The following SYCP2 variants were observed in gnomAD, a reference collection of about 807,000 sequenced individuals.
SYCP2 encodes the protein synaptonemal complex lateral element protein.
In SYCP2, 55 loss-of-function variants were observed where a neutral mutation model predicts 211.3. The observed-to-expected ratio is 0.26, with a 90% CI of 0.21 to 0.33. SYCP2 has a LOEUF of 0.33. Ranked by LOEUF, SYCP2 falls within the 10% of genes least tolerant of loss-of-function variation. The pLI is 1.00. For missense variants in SYCP2, 1,731 were observed against 1,752.0 expected, an observed-to-expected ratio of 0.99 and a Z score of 0.21; for synonymous variants, 570 against 555.2, an observed-to-expected ratio of 1.03 and a Z score of -0.37.
intron 12 of SYCP2, 54 bp from the exon 13 acceptor site, chr20:59,912,472 TTGTCC>T (rs2060350043): frequency 1.5e-6 from 1 of 651,984 alleles, no homozygotes; most frequent in Non-Finnish European, 2.5e-6. Flanking sequence ...CAGCATAATC[TTGTCC>T]AGTAATAGAA....
intron 2 of SYCP2, among the ~76,000 whole-genome samples, chr20:59,926,856 G>A (rs997797637): frequency 1.3e-5 from 2 of 152,144 alleles, no homozygotes; most frequent in African/African-American, 2.4e-5. Flanking sequence ...TGCCATTACA[G>A]GGTGACATAA....
intron 12 of SYCP2, among the ~76,000 whole-genome samples, 154 bp downstream of exon 12, chr20:59,913,821 A>C (rs1408252435): frequency 1.3e-5 from 2 of 152,098 alleles, no homozygotes; most frequent in Non-Finnish European, 2.9e-5. Flanking sequence ...TGCTAAAATC[A>C]TGTTATTGTT....
intron 1 of SYCP2, among the ~76,000 whole-genome samples, chr20:59,932,865 G>A (rs1043677923): frequency 2.6e-5 from 4 of 152,088 alleles, no homozygotes; most frequent in Admixed American, 2.0e-4. Context: ...TGGGGACGGC[G>A]GGAGGGAGAG....
At chr20:59,901,457 CTA>C in intron 16 of SYCP2, among the ~76,000 whole-genome samples, 1 of 152,108 alleles carries the variant, frequency 6.6e-6, no homozygotes, top group African/African-American at 2.4e-5. Flanking sequence ...GCAGCTGCTG[CTA>C]ATTTTGTCAT....
chr20:59,874,087 A>G, intron 34 of SYCP2, 26 bp from the exon 35 acceptor site: 1 of 1,327,938 alleles, frequency 7.5e-7, no homozygotes, highest in Non-Finnish European at 1.0e-6. Context: ...ATAAAAAAGA[A>G]AATAGATGGC....
intron 44 of SYCP2, 68 bp from the exon 45 acceptor site, chr20:59,864,456 A>AC (rs2145571668): frequency 9.2e-7 from 1 of 1,090,268 alleles, no homozygotes; most frequent in Non-Finnish European, 1.3e-6. Flanking sequence ...CAAATAAAAT[A>AC]GAAAAAAAAA....
intron 24 of SYCP2, 101 bp from the exon 25 acceptor site, chr20:59,886,935 AC>A: frequency 2.3e-6 from 2 of 851,092 alleles, no homozygotes; most frequent in South Asian, 3.7e-5. Context: ...TTCTATTTAT[AC>A]CTGCGGAGAG....
chr20:59,927,089 C>A (rs569924356), intron 2 of SYCP2, among the ~76,000 whole-genome samples: 1 of 152,124 alleles, frequency 6.6e-6, no homozygotes, highest in Non-Finnish European at 1.5e-5. Flanking sequence ...GATGAAAGAA[C>A]TCCAACTCCA....
intron 26 of SYCP2, 151 bp downstream of exon 26, chr20:59,885,777 T>C: frequency 1.5e-6 from 1 of 657,508 alleles, no homozygotes; most frequent in Non-Finnish European, 2.6e-6. Context: ...TTTGAGTACT[T>C]GCTATTAAAC....
At chr20:59,926,524 T>C (rs2060636839) in intron 2 of SYCP2, among the ~76,000 whole-genome samples, 1 of 152,062 alleles carries the variant, frequency 6.6e-6, no homozygotes, top group Non-Finnish European at 1.5e-5. Flanking sequence ...TAAATATATA[T>C]TGGGTTAGGG....
Position 59,882,070 on chromosome 20 carries a change from G to A in SYCP2, c.2600+25C>T, listed in dbSNP as rs750394829. 1.9e-6 allele frequency: 3 copies of A among 1,608,808 alleles called. No homozygotes were observed. In the South Asian group the frequency reaches 3.3e-5, roughly 18 times the overall value. The stretch of plus-strand genomic sequence containing the variant: ...TAGTCTCTTCAAATATGAAGAAAAT[G>A]AAAAATATTACAAAAAATACTTACA... On this transcript the variant is annotated intron_variant, in intron 27 of 44. Coordinates refer to ENST00000357552, the MANE Select transcript of SYCP2 (RefSeq NM_014258.4).
intron 7 of SYCP2, among the ~76,000 whole-genome samples, chr20:59,917,643 T>C (rs1378324713): frequency 1.3e-5 from 2 of 151,994 alleles, no homozygotes; most frequent in Non-Finnish European, 2.9e-5. Context: ...TGGCAATCTG[T>C]TTAAAACTTT....
rs756540753 is a variant in SYCP2 at position 59,865,461 on chromosome 20, A to G, written c.4459-17T>C. The G allele has an allele frequency of 2.5e-6, 4 of 1,601,980 alleles. No individual in the cohort carries two copies. The highest frequency in any genetic ancestry group is 1.1e-5 in the South Asian group (1 of 88,602). ...CAAACACATCTGTAAAAAAGTAAATATATTTCACCCATGAAATTTACCATA... is the reference window on the plus strand; with the variant it reads ...CAAACACATCTGTAAAAAAGTAAATGTATTTCACCCATGAAATTTACCATA... On this transcript the variant is annotated splice_polypyrimidine_tract_variant and intron_variant, in intron 43 of 44. Transcript: ENST00000357552.
chr20:59,893,666 T>C, intron 20 of SYCP2, 73 bp from the exon 21 acceptor site: 5 of 1,081,014 alleles, frequency 4.6e-6, no homozygotes, highest in Non-Finnish European at 5.2e-6. Context: ...AGTATTAAGG[T>C]TTGAGTCTTT....
intron 2 of SYCP2, among the ~76,000 whole-genome samples, chr20:59,927,045 T>C (rs1047080097): frequency 6.6e-6 from 1 of 152,148 alleles, no homozygotes; most frequent in Non-Finnish European, 1.5e-5. Flanking sequence ...TAACTGGTAC[T>C]TCCTTTCCAT....
intron 12 of SYCP2, among the ~76,000 whole-genome samples, chr20:59,913,365 T>G (rs2060368656): frequency 6.6e-6 from 1 of 152,140 alleles, no homozygotes; most frequent in Admixed American, 6.5e-5. Flanking sequence ...TACAATACCG[T>G]TAATTTCTTT....
intron 24 of SYCP2, among the ~76,000 whole-genome samples, chr20:59,890,368 G>A (rs573964323): frequency 6.6e-6 from 1 of 152,000 alleles, no homozygotes; most frequent in Admixed American, 6.5e-5. Context: ...TGGACACAGG[G>A]AGGTGAACAT....
chr20:59,909,402 A>G (rs1354944167), intron 14 of SYCP2, among the ~76,000 whole-genome samples: 2 of 152,198 alleles, frequency 1.3e-5, no homozygotes, highest in East Asian at 3.9e-4. Context: ...ATCCATGCCC[A>G]TCGTTATATC....
rs2059535303 is a variant in SYCP2, at chr20:59,875,392, T to G, written c.3228A>C (p.Glu1076Asp). 6.2e-7 allele frequency: 1 copy of G among 1,612,998 alleles called. No homozygotes were observed. Among genetic ancestry groups the G allele is most frequent in the Non-Finnish European group, 8.5e-7 (1 of 1,179,518 alleles). The change falls in exon 34 of 45, where the codon GAA becomes GAC. Residue 1076 changes from glutamate to aspartate, a missense_variant. Around this residue, in one of 3 missense-constraint regions of SYCP2, gnomAD observed 1,387 missense variants for 1,351.3 expected, o/e 1.03. Transcript: ENST00000357552. ...TTTTCCATTGTTTTGATAGTTCCTTTTCTGTTTCAGCACAGAAGACTTTCT... is the reference window on the plus strand; with the variant it reads ...TTTTCCATTGTTTTGATAGTTCCTTGTCTGTTTCAGCACAGAAGACTTTCT... ...KQQKVFCAET[E>D]KELSKQWKNS...
Sources: allele counts gnomAD v4.1 joint callset (sites outside exome capture counted in the v4.1 genomes callset), GRCh38; gene constraint gnomAD v4.1.1; regional missense constraint gnomAD v4.1.1; transcripts MANE v1.5; gene names NCBI Gene and HGNC (gene_info 2026-07-23, HGNC 2026-07-21).